Variants in FAM241A observed in about 807,000 individuals in gnomAD.
FAM241A encodes uncharacterized protein FAM241A.
Under a neutral mutation model 12.2 loss-of-function variants are expected in FAM241A, and 7 were observed. The observed-to-expected ratio is 0.58, with a 90% CI of 0.33 to 1.08. The LOEUF (loss-of-function observed/expected upper bound fraction) is 1.08. Among genes scored for constraint, FAM241A ranks in the 50% least tolerant of loss-of-function variants. The pLI, the probability that FAM241A is intolerant of heterozygous loss-of-function variation, is 0.04. For synonymous variants in FAM241A, 74 were observed against 68.2 expected (o/e 1.08, Z -0.42); for missense variants, 161 against 169.7 (o/e 0.95, Z 0.29).
chr4:112,166,741 T>G (rs1235144261), intron 1 of FAM241A, among the ~76,000 whole-genome samples: 1 of 152,142 alleles, frequency 6.6e-6, no homozygotes, highest in Non-Finnish European at 1.5e-5. Context: ...ATATATGTGT[T>G]TAATAGTTTA....
chr4:112,166,909 T>G, intron 1 of FAM241A, among the ~76,000 whole-genome samples: 1 of 144,582 alleles, frequency 6.9e-6, no homozygotes, highest in South Asian at 2.2e-4. Context: ...GGTCAGGAGA[T>G]CGAGACCATC....
rs998421975 is a variant in FAM241A, at chr4:112,191,994, T to C, written c.*5056T>C. The C allele has an allele frequency of 2.6e-5, 4 of 152,162 alleles. No homozygotes were observed. The highest frequency in any genetic ancestry group is 7.2e-5 in the African/African-American group (3 of 41,396). 9.4% of individuals were successfully genotyped at this position (152,162 alleles called of 1,614,324 possible). A position where few individuals can be genotyped will look rare whatever the true frequency, so the allele number is the denominator to read the frequency against. ...ACTTCATCTACTCATGGTCTTCATA[T>C]AGACCACTAACAAAAAAGATCTAGA... is the stretch of plus-strand genomic sequence containing the variant. On this transcript the variant is annotated 3_prime_UTR_variant, in exon 2 of 2. Coordinates refer to ENST00000309733, the MANE Select transcript of FAM241A (RefSeq NM_152400.3).
intron 1 of FAM241A, among the ~76,000 whole-genome samples, chr4:112,170,680 A>G (rs1723700916): frequency 6.6e-6 from 1 of 152,168 alleles, no homozygotes; most frequent in Non-Finnish European, 1.5e-5. Flanking sequence ...CACAATTTAA[A>G]ATTTACAAAT....
chr4:112,181,169 G>A (rs1578379415), intron 1 of FAM241A, among the ~76,000 whole-genome samples: 1 of 152,124 alleles, frequency 6.6e-6, no homozygotes, highest in Non-Finnish European at 1.5e-5. Flanking sequence ...AAGAATGAAG[G>A]CTGGATTTAA....
At chr4:112,149,257 C>T (rs1006097683) in intron 1 of FAM241A, among the ~76,000 whole-genome samples, 15 of 152,226 alleles carry the variant, frequency 9.9e-5, no homozygotes, top group Admixed American at 8.5e-4. Context: ...CCTCCCGTCT[C>T]AGCCTCCCGA....
intron 1 of FAM241A, among the ~76,000 whole-genome samples, chr4:112,176,486 A>G (rs1396283953): frequency 3.3e-5 from 5 of 152,228 alleles, no homozygotes; most frequent in Admixed American, 6.5e-5. Flanking sequence ...ATGACGGAGC[A>G]GGATTTGAAT....
intron 1 of FAM241A, among the ~76,000 whole-genome samples, chr4:112,146,371 C>T (rs943821554): frequency 7.2e-5 from 11 of 152,252 alleles, no homozygotes; most frequent in African/African-American, 2.4e-4. Context: ...AGAGGCCAGC[C>T]ATAGTAAGGG....
chr4:112,155,035 C>T (rs960337008), intron 1 of FAM241A, among the ~76,000 whole-genome samples: 3 of 151,846 alleles, frequency 2.0e-5, no homozygotes, highest in Admixed American at 1.3e-4. Context: ...TCCGTCTGCG[C>T]CCACCACCCT....
intron 1 of FAM241A, among the ~76,000 whole-genome samples, chr4:112,180,585 A>T (rs1723913645): frequency 6.6e-6 from 1 of 152,154 alleles, no homozygotes; most frequent in African/African-American, 2.4e-5. Flanking sequence ...TTGCTGACTG[A>T]TACATTTGTA....
intron 1 of FAM241A, among the ~76,000 whole-genome samples, chr4:112,175,898 A>G (rs1443854895): frequency 6.6e-6 from 1 of 152,222 alleles, no homozygotes; most frequent in Non-Finnish European, 1.5e-5. Context: ...CAAGTAGAAT[A>G]TATGGTATAT....
intron 1 of FAM241A, among the ~76,000 whole-genome samples, chr4:112,175,943 C>G (rs1269902610): frequency 6.6e-6 from 1 of 152,118 alleles, no homozygotes; most frequent in Non-Finnish European, 1.5e-5. Flanking sequence ...ACTTTCAATA[C>G]TGCATATGTA....
intron 1 of FAM241A, among the ~76,000 whole-genome samples, chr4:112,164,713 G>A (rs565374932): frequency 2.7e-4 from 41 of 152,200 alleles, no homozygotes; most frequent in Non-Finnish European, 4.7e-4. Context: ...CCTGACAAGC[G>A]ATTAATAACC....
Position 112,195,096 on chromosome 4 carries a change from T to C in FAM241A, c.*8158T>C, listed in dbSNP as rs942672891. The C allele has an allele frequency of 2.0e-5, 3 of 152,248 alleles. No individual in the cohort carries two copies. The highest frequency in any genetic ancestry group is 6.5e-5 in the Admixed American group (1 of 15,290). 9.4% of individuals were successfully genotyped at this position (152,248 alleles called of 1,614,324 possible). A position where few individuals can be genotyped will look rare whatever the true frequency, so the allele number is the denominator to read the frequency against. On this transcript the variant is annotated 3_prime_UTR_variant, in exon 2 of 2. Transcript: ENST00000309733. ...CTACATTTTAATTTTTACAAAAAACTCTTAAACTTTTTTGTGAGCAGAAAT... is the reference window on the plus strand; with the variant it reads ...CTACATTTTAATTTTTACAAAAAACCCTTAAACTTTTTTGTGAGCAGAAAT...
chr4:112,157,295 A>G (rs914163547), intron 1 of FAM241A, among the ~76,000 whole-genome samples: 3 of 152,156 alleles, frequency 2.0e-5, no homozygotes, highest in African/African-American at 7.2e-5. Flanking sequence ...AACAGAGTTT[A>G]TTCCTACAGA....
intron 1 of FAM241A, among the ~76,000 whole-genome samples, chr4:112,149,666 T>C (rs572537898): frequency 6.6e-6 from 1 of 152,354 alleles, no homozygotes. Context: ...AAAAGGCCAG[T>C]TGGAAACCAT....
intron 1 of FAM241A, among the ~76,000 whole-genome samples, chr4:112,164,309 T>G (rs1297968280): frequency 6.6e-6 from 1 of 150,934 alleles, no homozygotes; most frequent in Non-Finnish European, 1.5e-5. Flanking sequence ...AGGACATGGA[T>G]GAAGCTGGAT....
intron 1 of FAM241A, among the ~76,000 whole-genome samples, chr4:112,180,201 G>A (rs10018082): frequency 0.54 from 81,199 of 151,300 alleles, 22,813 homozygotes; most frequent in African/African-American, 0.71. Context: ...GGGGACTACT[G>A]GAGGGTGGAG....
chr4:112,164,702 C>T (rs1723558541), intron 1 of FAM241A, among the ~76,000 whole-genome samples: 1 of 152,114 alleles, frequency 6.6e-6, no homozygotes, highest in East Asian at 1.9e-4. Flanking sequence ...TTGTAAACTA[C>T]CCTGACAAGC....
chr4:112,153,317 A>T (rs1352284665), intron 1 of FAM241A, among the ~76,000 whole-genome samples: 1 of 152,222 alleles, frequency 6.6e-6, no homozygotes, highest in East Asian at 1.9e-4. Context: ...AGGCAAGATT[A>T]AAAGGAAAAA....
Sources: gnomAD v4.1 joint callset for allele counts (sites outside exome capture counted in the v4.1 genomes callset) on GRCh38, gnomAD v4.1.1 for gene constraint, MANE v1.5 for transcripts, NCBI Gene and HGNC (gene_info 2026-07-23, HGNC 2026-07-21) for gene names.